PRKCZ: variants seen among roughly 807,000 people sequenced by gnomAD.
PRKCZ encodes protein kinase C zeta.
In PRKCZ, 33 loss-of-function variants were observed where a neutral mutation model predicts 79.5. The ratio of observed to expected loss-of-function variants is 0.41; its 90% CI spans 0.31 to 0.55. PRKCZ has a LOEUF of 0.55. Ranked by LOEUF, PRKCZ falls within the 20% of genes least tolerant of loss-of-function variation. The pLI is 0.19. For synonymous variants in PRKCZ, 342 were observed against 320.9 expected (o/e 1.07, Z -0.70); for missense variants, 578 against 813.5 (o/e 0.71, Z 3.52).
intron 10 of PRKCZ, among the ~76,000 whole-genome samples, chr1:2,162,670 A>G (rs1305843154): frequency 6.6e-6 from 1 of 151,330 alleles, no homozygotes; most frequent in African/African-American, 2.4e-5. Context: ...CTGGTCTCAA[A>G]CTCCTGGGCT....
Position 2,144,308 on chromosome 1 carries a change from C to T in PRKCZ, c.519C>T (p.His173=), listed in dbSNP as rs1013595868. ...NCKLLVHKRC[H]GLVPLTCRKH... Reference sequence around the variant, plus strand: ...AACTGCTGGTCCATAAGCGCTGCCACGGCCTCGTCCCGCTGACCTGCAGGA... The same window carrying T: ...AACTGCTGGTCCATAAGCGCTGCCATGGCCTCGTCCCGCTGACCTGCAGGA... Residue 173 remains histidine (H), a synonymous_variant, in exon 6 of 18, where the codon CAC becomes CAT. Coordinates refer to ENST00000378567, the MANE Select transcript of PRKCZ (RefSeq NM_002744.6). 7 of 1,574,982 alleles carry T rather than the reference C, an allele frequency of 4.4e-6. No individual in the cohort carries two copies. The highest frequency in any genetic ancestry group is 3.8e-5 in the Admixed American group (2 of 53,228).
rs995319620 is a variant in PRKCZ, at chr1:2,075,958, T to TG, written c.334+16373dup. On this transcript the variant is annotated intron_variant, in intron 4 of 17. Coordinates refer to ENST00000378567, the MANE Select transcript of PRKCZ (RefSeq NM_002744.6). This position sits in a 1 kb window ranked among gnomAD's most constrained non-coding sequence, Gnocchi z 4.8. ...GCCGGGCACATGGAGGTTGAACTGT[T>TG]GGGGGGCGGGAGGACCATCCATGGG... 2.6e-5 allele frequency among the ~76,000 whole-genome samples: 4 copies of TG among 152,276 alleles called. No individual in the cohort carries two copies. The highest frequency in any genetic ancestry group is 2.1e-4 in the South Asian group (1 of 4,828).
At chr1:2,139,726 T>C (rs1372421049) in intron 5 of PRKCZ, among the ~76,000 whole-genome samples, 1 of 152,228 alleles carries the variant, frequency 6.6e-6, no homozygotes, top group Admixed American at 6.5e-5. Flanking sequence ...TGTGCAGCGA[T>C]GTTCCCATCC....
At chr1:2,138,222 C>T (rs1676616065) in intron 5 of PRKCZ, among the ~76,000 whole-genome samples, 7 of 152,328 alleles carry the variant, frequency 4.6e-5, no homozygotes, top group Middle Eastern at 3.4e-3. Context: ...GAGACTTTTC[C>T]GTCCTCTTTG....
At chr1:2,134,255 C>T (rs1240268378) in intron 4 of PRKCZ, among the ~76,000 whole-genome samples, 1 of 152,222 alleles carries the variant, frequency 6.6e-6, no homozygotes, top group Admixed American at 6.5e-5. Flanking sequence ...CAGGTTTTAC[C>T]ATCCGTGTGG....
chr1:2,092,073 C>T (rs116303242), intron 4 of PRKCZ, among the ~76,000 whole-genome samples: 5,129 of 152,230 alleles, frequency 0.034, 134 homozygotes, highest in Middle Eastern at 0.11. Flanking sequence ...CCTGTGCGGC[C>T]GCAGAGTGAG....
upstream of PRKCZ, among the ~76,000 whole-genome samples, chr1:2,048,518 G>A (rs186161892): frequency 6.6e-6 from 1 of 152,324 alleles, no homozygotes; most frequent in East Asian, 1.9e-4. Flanking sequence ...GTGCAAAGAC[G>A]GAGGCCGGGG....
chr1:2,108,337 C>T (rs1669006552), intron 4 of PRKCZ, among the ~76,000 whole-genome samples: 1 of 152,234 alleles, frequency 6.6e-6, no homozygotes, highest in Non-Finnish European at 1.5e-5. Context: ...TGCTGATGGG[C>T]GTGGCCCCTT....
At chr1:2,108,122 A>G (rs1420925862) in intron 4 of PRKCZ, among the ~76,000 whole-genome samples, 8 of 152,238 alleles carry the variant, frequency 5.3e-5, no homozygotes, top group Non-Finnish European at 7.3e-5. Context: ...CGCACTCTCA[A>G]TAGACCTTCA....
At chr1:2,090,222 G>C (rs369092078) in intron 4 of PRKCZ, among the ~76,000 whole-genome samples, 3 of 152,222 alleles carry the variant, frequency 2.0e-5, no homozygotes, top group Non-Finnish European at 4.4e-5. Context: ...CTTGGATTCC[G>C]AGGGGATTCA....
intron 4 of PRKCZ, among the ~76,000 whole-genome samples, chr1:2,096,882 G>T (rs142214864): frequency 6.6e-6 from 1 of 152,190 alleles, no homozygotes; most frequent in Non-Finnish European, 1.5e-5. Flanking sequence ...GACTCAGGAC[G>T]AGGCCCCTTG....
chr1:2,161,193 G>A (rs1280107569), intron 10 of PRKCZ, among the ~76,000 whole-genome samples: 1 of 152,244 alleles, frequency 6.6e-6, no homozygotes, highest in Admixed American at 6.5e-5. Flanking sequence ...GCCGACACAC[G>A]GTGACGGCTC....
chr1:2,140,071 G>A (rs752925241), intron 5 of PRKCZ, among the ~76,000 whole-genome samples: 2 of 152,250 alleles, frequency 1.3e-5, no homozygotes, highest in Non-Finnish European at 2.9e-5. Context: ...TGAGGGTGGG[G>A]AAGGGAGATC....
chr1:2,103,637 C>T (rs531321344), intron 4 of PRKCZ, among the ~76,000 whole-genome samples: 4 of 152,182 alleles, frequency 2.6e-5, no homozygotes, highest in East Asian at 1.9e-4. Context: ...GGCCTAGCTA[C>T]GAGGGAGGAT....
chr1:2,176,601 G>A (rs1489569846), intron 16 of PRKCZ, among the ~76,000 whole-genome samples: 2 of 152,238 alleles, frequency 1.3e-5, no homozygotes, highest in African/African-American at 4.8e-5. Flanking sequence ...CTCGTTCAGT[G>A]CATTTTGGAG....
At chr1:2,107,325 C>A (rs954169714) in intron 4 of PRKCZ, among the ~76,000 whole-genome samples, 4 of 152,224 alleles carry the variant, frequency 2.6e-5, no homozygotes, top group African/African-American at 9.6e-5. Context: ...TGAGGCAGGT[C>A]CTGCTCCAGA....
At chr1:2,159,133 G>C (rs553625042) in intron 10 of PRKCZ, among the ~76,000 whole-genome samples, 1 of 152,204 alleles carries the variant, frequency 6.6e-6, no homozygotes, top group Non-Finnish European at 1.5e-5. Flanking sequence ...GCTCCGGGTT[G>C]GGGGGAGGAC....
In PRKCZ at chr1:2,106,449, G is replaced by A. The variant is rs1027444353; in HGVS notation, c.335-28813G>A. 8.4e-3 allele frequency among the ~76,000 whole-genome samples: 1,112 copies of A among 132,002 alleles called. 5 individuals are homozygous for A. Among genetic ancestry groups the A allele is most frequent in the African/African-American group, 0.023 (781 of 33,990 alleles). The allele number at this position is 132,002 out of a possible 152,430, so 86.6% of individuals were successfully genotyped here. Reference sequence around the variant, plus strand: ...CTCCACACGTGTCGCCAGGCCAGGCGACTCTCAGCAAGCCCCTCCAGTGGG... The same window carrying A: ...CTCCACACGTGTCGCCAGGCCAGGCAACTCTCAGCAAGCCCCTCCAGTGGG... On this transcript the variant is annotated intron_variant, in intron 4 of 17. Transcript: ENST00000378567.
chr1:2,174,660 G>A lies in PRKCZ; in HGVS notation c.1406-94G>A. ...AGGGGCTCCGGGGCCCCAAGGCTGAGCTCCCAAAGCTCTTGCTCAGAGTCA... is the reference window on the plus strand; with the variant it reads ...AGGGGCTCCGGGGCCCCAAGGCTGAACTCCCAAAGCTCTTGCTCAGAGTCA... On this transcript the variant is annotated intron_variant, in intron 14 of 17. Coordinates refer to ENST00000378567, the MANE Select transcript of PRKCZ (RefSeq NM_002744.6). The surrounding 1 kb of genome is among the most constrained non-coding windows in gnomAD (Gnocchi z 6.2). 2.2e-6 allele frequency: 3 copies of A among 1,345,282 alleles called. No individual in the cohort carries two copies. In the South Asian group the frequency reaches 3.7e-5, roughly 17 times the overall value. 83.3% of individuals were successfully genotyped at this position (1,345,282 alleles called of 1,614,324 possible).
Sources: allele counts gnomAD v4.1 joint callset (sites outside exome capture counted in the v4.1 genomes callset), GRCh38; gene constraint gnomAD v4.1.1; non-coding constraint Gnocchi (gnomAD v3.1); transcripts MANE v1.5; gene names NCBI Gene and HGNC (gene_info 2026-07-23, HGNC 2026-07-21).